ARFGEF1: variants seen among roughly 807,000 people sequenced by gnomAD.
The protein encoded by ARFGEF1 is ARF guanine nucleotide exchange factor 1, also known as brefeldin A-inhibited guanine nucleotide-exchange protein 1.
ARFGEF1 carries 42 observed loss-of-function variants against 231.0 expected under a neutral mutation model. That is an observed-to-expected ratio of 0.18 (90% CI 0.14 to 0.24). The LOEUF (loss-of-function observed/expected upper bound fraction) is 0.24. Ranked by LOEUF, ARFGEF1 falls within the 10% of genes least tolerant of loss-of-function variation. The pLI is 1.00. For synonymous variants in ARFGEF1, 710 were observed against 732.3 expected (o/e 0.97, Z 0.49); for missense variants, 1,345 against 2,192.0 (o/e 0.61, Z 7.72).
At chr8:67,294,264 C>T (rs1323500490) in intron 5 of ARFGEF1, among the ~76,000 whole-genome samples, 2 of 152,032 alleles carry the variant, frequency 1.3e-5, no homozygotes, top group Admixed American at 1.3e-4. Context: ...GCCCTGGAAC[C>T]AATCCCCCAT....
At chr8:67,178,927 T>G (rs768550264) in intron 5 of ARFGEF1, among the ~76,000 whole-genome samples, 6 of 152,158 alleles carry the variant, frequency 3.9e-5, no homozygotes, top group Non-Finnish European at 8.8e-5. Flanking sequence ...GGTTTTTACT[T>G]GATCCACTGA....
chr8:67,339,578 A>G (rs1320758890), intron 1 of ARFGEF1, among the ~76,000 whole-genome samples: 1 of 151,870 alleles, frequency 6.6e-6, no homozygotes. Context: ...TTTGAAACTA[A>G]AAATAGCTCA....
Position 67,204,760 on chromosome 8 carries a change from G to T in ARFGEF1, c.4879C>A (p.Leu1627Ile). The T allele has an allele frequency of 9.3e-6, 15 of 1,613,984 alleles. No individual in the cohort carries two copies. Among genetic ancestry groups the T allele is most frequent in the Non-Finnish European group, 1.3e-5 (15 of 1,179,980 alleles). The part of the protein sequence containing the change: ...LLIKCVVQLE[L>I]IQTIDNIVFF... ...ACAATGTTGTCGATAGTCTGGATGA[G>T]TTCCAGCTGCACAACACATTTAATC... The change falls in exon 35 of 39, where the codon CTC (leucine) becomes ATC (isoleucine). Residue 1627 changes from leucine (L) to isoleucine (I), a missense_variant. By Grantham distance (5) the Leu-to-Ile change is conservative. Around this residue, in one of 14 missense-constraint regions of ARFGEF1, gnomAD observed 161 missense variants for 284.9 expected, o/e 0.57. Coordinates refer to ENST00000262215, the MANE Select transcript of ARFGEF1 (RefSeq NM_006421.5).
rs565313375 is a variant in ARFGEF1, at chr8:67,277,455, T to C, written c.1030A>G (p.Met344Val). 9.3e-6 allele frequency: 15 copies of C among 1,611,066 alleles called. No individual in the cohort carries two copies. The highest frequency in any genetic ancestry group is 1.3e-5 in the African/African-American group (1 of 74,768). ...EEMVNIVVGDMGEGTTINASA... is the reference protein window; with the variant it reads ...EEMVNIVVGDVGEGTTINASA... ...GCATTTATAGTAGTCCCTTCTCCCA[T>C]ATCTAAAATGATAAGAATAAAAACC... is the stretch of plus-strand genomic sequence containing the variant. The change falls in exon 8 of 39, where the codon ATG becomes GTG. Residue 344 changes from methionine (M) to valine (V), a missense_variant and splice_region_variant. Coordinates refer to ENST00000262215, the MANE Select transcript of ARFGEF1 (RefSeq NM_006421.5).
At chr8:67,244,207 C>T (rs1281008691) in intron 19 of ARFGEF1, among the ~76,000 whole-genome samples, 1 of 132,974 alleles carries the variant, frequency 7.5e-6, no homozygotes, top group African/African-American at 2.9e-5. Flanking sequence ...CATGCCACTG[C>T]ACTCCAGCCT....
intron 9 of ARFGEF1, among the ~76,000 whole-genome samples, chr8:67,274,501 T>A (rs1159973123): frequency 1.3e-5 from 2 of 152,066 alleles, no homozygotes; most frequent in Admixed American, 1.3e-4. Flanking sequence ...ATAAGGCTTG[T>A]TAATTTACAT....
intron 13 of ARFGEF1, 64 bp downstream of exon 13, chr8:67,266,812 A>T: frequency 7.6e-7 from 1 of 1,308,370 alleles, no homozygotes; most frequent in East Asian, 2.4e-5. Context: ...AGCAGCTGCA[A>T]CTATCCTCCA....
At chr8:67,174,768 A>G (rs934401057), downstream of ARFGEF1, 2 of 144,860 alleles carry the variant, frequency 1.4e-5, no homozygotes, top group Admixed American at 1.4e-4. Context: ...CCGTCTCAAG[A>G]AAAAAAAAAA....
chr8:67,236,340 G>A (rs954313957), intron 22 of ARFGEF1, among the ~76,000 whole-genome samples: 523 of 16,188 alleles, frequency 0.032, 2 homozygotes, highest in East Asian at 0.039. Flanking sequence ...AAAAAAAAAA[G>A]ATATTAGTTA....
chr8:67,326,387 A>T (rs1807834534), intron 1 of ARFGEF1, among the ~76,000 whole-genome samples: 2 of 152,202 alleles, frequency 1.3e-5, no homozygotes, highest in South Asian at 4.1e-4. Flanking sequence ...ACTGGTTAAC[A>T]CCGGGCTTTC....
rs1056299114 is a variant in ARFGEF1 at position 67,308,839 on chromosome 8, G to A, written c.125-6373C>T. On this transcript the variant is annotated intron_variant, in intron 1 of 38. Coordinates refer to ENST00000262215, the MANE Select transcript of ARFGEF1 (RefSeq NM_006421.5). Reference sequence around the variant, plus strand: ...TTTATGGGGTACAATGAGGTGTTTTGGTATGTTTTTACTATATGGAATGAC... The same window carrying A: ...TTTATGGGGTACAATGAGGTGTTTTAGTATGTTTTTACTATATGGAATGAC... 1.0e-3 allele frequency among the ~76,000 whole-genome samples: 158 copies of A among 151,526 alleles called. 1 individual carries two copies. The highest frequency in any genetic ancestry group is 4.0e-4 in the Non-Finnish European group (27 of 67,914).
At chr8:67,194,168 C>G (rs768122902), downstream of ARFGEF1, among the ~76,000 whole-genome samples, 2 of 151,964 alleles carry the variant, frequency 1.3e-5, no homozygotes, top group Non-Finnish European at 2.9e-5. Flanking sequence ...CCCTGCCAGC[C>G]CTACACCACC....
intron 6 of ARFGEF1, among the ~76,000 whole-genome samples, chr8:67,291,115 A>AAGGG (rs982436219): frequency 2.0e-5 from 3 of 152,176 alleles, no homozygotes; most frequent in African/African-American, 7.2e-5. Context: ...ATCATTTAAA[A>AAGGG]ATGACATCAA....
intron 1 of ARFGEF1, among the ~76,000 whole-genome samples, chr8:67,333,042 T>G (rs1808173111): frequency 7.1e-6 from 1 of 140,066 alleles, no homozygotes; most frequent in Non-Finnish European, 1.5e-5. Flanking sequence ...ATTAAATACT[T>G]TTTTTTTTTT....
At chr8:67,293,954 G>A (rs981959696) in intron 5 of ARFGEF1, among the ~76,000 whole-genome samples, 4 of 152,032 alleles carry the variant, frequency 2.6e-5, no homozygotes, top group Non-Finnish European at 4.4e-5. Context: ...AGTACAGTTC[G>A]CCCTCTGTGT....
chr8:67,174,027 G>A (rs1362237109), downstream of ARFGEF1: 1 of 152,158 alleles, frequency 6.6e-6, no homozygotes, highest in African/African-American at 2.4e-5. Context: ...GCGTGTGTGT[G>A]TGTGACATAC....
At chr8:67,288,548 CAT>C (rs1422752737) in intron 6 of ARFGEF1, among the ~76,000 whole-genome samples, 3 of 152,054 alleles carry the variant, frequency 2.0e-5, no homozygotes, top group Non-Finnish European at 4.4e-5. Context: ...GCCTGGCCAA[CAT>C]GGTGAAACCC....
At chr8:67,222,196 T>TACAC (rs1456002196) in intron 29 of ARFGEF1, among the ~76,000 whole-genome samples, 1 of 141,234 alleles carries the variant, frequency 7.1e-6, no homozygotes, top group African/African-American at 2.7e-5. Context: ...TATATATATA[T>TACAC]ATATATATAC....
downstream of ARFGEF1, chr8:67,195,759 G>T: frequency 1.7e-6 from 1 of 602,386 alleles, no homozygotes; most frequent in South Asian, 2.2e-5. Context: ...ATAAATAAAA[G>T]GCCATGATTA....
Sources: gnomAD v4.1 joint callset for allele counts (sites outside exome capture counted in the v4.1 genomes callset) on GRCh38, gnomAD v4.1.1 for gene constraint, gnomAD v4.1.1 regional missense constraint, MANE v1.5 for transcripts, NCBI Gene and HGNC (gene_info 2026-07-23, HGNC 2026-07-21) for gene names.